UGT1A7: variants seen among roughly 807,000 people sequenced by gnomAD.
The protein encoded by UGT1A7 is UDP glucuronosyltransferase family 1 member A7, also known as UDP-glucuronosyltransferase 1A7.
In UGT1A7, 33 loss-of-function variants were observed where a neutral mutation model predicts 45.6. The observed-to-expected ratio is 0.72, with a 90% CI of 0.55 to 0.97. The LOEUF is 0.97. UGT1A7 is among the 50% of genes least tolerant of loss of function. The pLI is 0.00. For synonymous variants in UGT1A7, 274 were observed against 250.6 expected (o/e 1.09, Z -0.88); for missense variants, 684 against 666.2 (o/e 1.03, Z -0.29).
chr2:233,722,361 T>C (rs28898615), intron 1 of UGT1A7, among the ~76,000 whole-genome samples: 12,155 of 152,314 alleles, frequency 0.08, 624 homozygotes, highest in East Asian at 0.2. Flanking sequence ...TATACAAGAC[T>C]AAAGTTGAAA....
intron 1 of UGT1A7, chr2:233,743,056 A>T: frequency 3.1e-6 from 1 of 325,774 alleles, no homozygotes; most frequent in South Asian, 2.6e-5. Context: ...AGTCCCAACG[A>T]TAAGAACAGG....
At position 233,754,728 on chromosome 2, in the gene UGT1A7, C is replaced by CT. The variant is rs1413290062; in HGVS notation, c.856-12305dup. ...GGACTTGAAGCTGCCTGTCCCATCACTACCGTAGGACATGCAGAAGGAAGA... is the reference window on the plus strand; with the variant it reads ...GGACTTGAAGCTGCCTGTCCCATCACTTACCGTAGGACATGCAGAAGGAAGA... On this transcript the variant is annotated intron_variant, in intron 1 of 4. Transcript: ENST00000373426. 1.8e-5 allele frequency: 11 copies of CT among 620,812 alleles called. No individual in the cohort carries two copies. In the African/African-American group the frequency reaches 2.1e-4, roughly 12 times the overall value. 38.5% of individuals were successfully genotyped at this position (620,812 alleles called of 1,614,324 possible). A position where few individuals can be genotyped will look rare whatever the true frequency, so the allele number is the denominator to read the frequency against.
At chr2:233,729,023 T>C (rs2125738984) in intron 1 of UGT1A7, 1 of 1,595,674 alleles carries the variant, frequency 6.3e-7, no homozygotes, top group Non-Finnish European at 8.5e-7. Context: ...CAATTACACG[T>C]TGATTTGCTA....
At chr2:233,703,318 C>T (rs2075732558) in intron 1 of UGT1A7, among the ~76,000 whole-genome samples, 1 of 147,010 alleles carries the variant, frequency 6.8e-6, no homozygotes, top group Non-Finnish European at 1.5e-5. Flanking sequence ...ATATTTTTAG[C>T]AATTTTGAGT....
At chr2:233,762,867 G>T (rs1181874118) in intron 1 of UGT1A7, among the ~76,000 whole-genome samples, 2 of 151,628 alleles carry the variant, frequency 1.3e-5, no homozygotes, top group African/African-American at 2.4e-5. Flanking sequence ...AAGAAATTTT[G>T]GTTTCTTCTC....
intron 1 of UGT1A7, among the ~76,000 whole-genome samples, chr2:233,724,643 C>T (rs1474799559): frequency 2.1e-5 from 3 of 141,252 alleles, no homozygotes; most frequent in Non-Finnish European, 3.1e-5. Flanking sequence ...GATGTGATGG[C>T]GGCTGGGAAG....
intron 1 of UGT1A7, among the ~76,000 whole-genome samples, chr2:233,735,271 G>A (rs1195301760): frequency 1.3e-5 from 2 of 152,034 alleles, no homozygotes; most frequent in Non-Finnish European, 2.9e-5. Context: ...TTATGTAATG[G>A]CCTTCTTTGT....
At chr2:233,713,754 T>C (rs2076343281) in intron 1 of UGT1A7, 1 of 1,613,886 alleles carries the variant, frequency 6.2e-7, no homozygotes, top group African/African-American at 1.3e-5. Context: ...TGCATCTGTG[T>C]GGCTGTTCCG....
chr2:233,721,021 C>T (rs914413376), intron 1 of UGT1A7, among the ~76,000 whole-genome samples: 6 of 152,026 alleles, frequency 3.9e-5, no homozygotes, highest in Non-Finnish European at 8.8e-5. Context: ...AGGGAGCCAT[C>T]TTTCTTGTGA....
chr2:233,749,706 G>A (rs1034716164), intron 1 of UGT1A7, among the ~76,000 whole-genome samples: 7 of 151,828 alleles, frequency 4.6e-5, no homozygotes, highest in Non-Finnish European at 8.8e-5. Context: ...GAGGTGATTG[G>A]ATCATGGGGG....
chr2:233,741,753 A>G (rs1361803894), intron 1 of UGT1A7: 2 of 151,870 alleles, frequency 1.3e-5, no homozygotes, highest in African/African-American at 4.9e-5. Context: ...TTTGTTGGTT[A>G]ATGATGTGTT....
intron 1 of UGT1A7, chr2:233,747,304 G>A: frequency 6.2e-7 from 1 of 1,602,730 alleles, no homozygotes; most frequent in East Asian, 2.2e-5. Flanking sequence ...GAGTGGGAAG[G>A]TGCTGGTGGT....
intron 1 of UGT1A7, chr2:233,761,151 G>A (rs748685520): frequency 3.7e-6 from 6 of 1,614,140 alleles, no homozygotes; most frequent in Non-Finnish European, 5.1e-6. Flanking sequence ...CACTATCCCA[G>A]GTGTGTATTG....
intron 1 of UGT1A7, among the ~76,000 whole-genome samples, chr2:233,706,678 C>T (rs2075919133): frequency 6.6e-6 from 1 of 152,170 alleles, no homozygotes; most frequent in Non-Finnish European, 1.5e-5. Flanking sequence ...CTACTCCCCA[C>T]CCCACTCCTT....
At chr2:233,706,277 G>A (rs1335130359) in intron 1 of UGT1A7, among the ~76,000 whole-genome samples, 2 of 152,100 alleles carry the variant, frequency 1.3e-5, no homozygotes, top group East Asian at 3.9e-4. Flanking sequence ...CAACCTCAGG[G>A]GTGGGGCCCA....
At chr2:233,729,112 G>A (rs557523932) in intron 1 of UGT1A7, 4 of 1,612,930 alleles carry the variant, frequency 2.5e-6, no homozygotes, top group East Asian at 2.2e-5. Flanking sequence ...TCAGCTGTCC[G>A]TGTCTTCTGC....
chr2:233,713,466 G>A, intron 1 of UGT1A7: 1 of 1,614,064 alleles, frequency 6.2e-7, no homozygotes, highest in Non-Finnish European at 8.5e-7. Flanking sequence ...CCTCTGCGCG[G>A]CGGTGCTGGC....
chr2:233,740,858 A>G (rs1691488527), intron 1 of UGT1A7: 1 of 151,872 alleles, frequency 6.6e-6, no homozygotes, highest in Non-Finnish European at 1.5e-5. Flanking sequence ...CAATTCTAAA[A>G]ATTCTTTAAA....
chr2:233,687,293 G>A (rs539296326), intron 1 of UGT1A7, among the ~76,000 whole-genome samples: 2 of 152,144 alleles, frequency 1.3e-5, no homozygotes, highest in Non-Finnish European at 2.9e-5. Flanking sequence ...ACAACATGGT[G>A]AGATATCAAT....
Sources: gnomAD v4.1 joint callset for allele counts (sites outside exome capture counted in the v4.1 genomes callset) on GRCh38, gnomAD v4.1.1 for gene constraint, MANE v1.5 for transcripts, NCBI Gene and HGNC (gene_info 2026-07-23, HGNC 2026-07-21) for gene names.